SH3PXD2B: variants seen among roughly 807,000 people sequenced by gnomAD.
SH3PXD2B encodes SH3 and PX domain-containing protein 2B.
A neutral mutation model predicts 73.1 loss-of-function variants in SH3PXD2B; 37 were observed. The ratio of observed to expected loss-of-function variants is 0.51; its 90% CI spans 0.39 to 0.67. SH3PXD2B has a LOEUF of 0.67. SH3PXD2B is among the 30% of genes least tolerant of loss of function. The pLI is 0.00. For missense variants in SH3PXD2B, 1,053 were observed against 1,197.8 expected, an observed-to-expected ratio of 0.88 and a Z score of 1.78; for synonymous variants, 457 against 480.5, an observed-to-expected ratio of 0.95 and a Z score of 0.64.
At chr5:172,327,920 AC>A (rs1756476504) in intron 12 of SH3PXD2B, among the ~76,000 whole-genome samples, 1 of 151,826 alleles carries the variant, frequency 6.6e-6, no homozygotes, top group African/African-American at 2.4e-5. Flanking sequence ...ATGCCCAGCT[AC>A]TTTTTGTACT....
Position 172,325,289 on chromosome 5 carries a change from G to A in SH3PXD2B, c.1280C>T (p.Ser427Phe), listed in dbSNP as rs748718280. The A allele has an allele frequency of 1.1e-5, 17 of 1,535,154 alleles. No homozygotes were observed. The South Asian group carries it at 1.8e-4, about 16-fold the overall frequency. The change falls in exon 13 of 13, where the codon TCC becomes TTC. Residue 427 changes from serine (S) to phenylalanine (F), a missense_variant. Ser to Phe is a radical substitution (Grantham distance 155, BLOSUM62 -2). Transcript: ENST00000519643. ...ATGACGTGGTTCTCACATCTCCATG[G>A]AAGCTGCCACGTGCTTCCCAAGTGC...
intron 8 of SH3PXD2B, 127 bp from the exon 9 acceptor site, chr5:172,354,132 G>T: frequency 1.2e-6 from 1 of 860,496 alleles, no homozygotes; most frequent in Non-Finnish European, 1.9e-6. Context: ...ACCCCCCCTG[G>T]CCCTGACCTA....
chr5:172,361,069 C>A (rs960800273), intron 7 of SH3PXD2B, among the ~76,000 whole-genome samples: 3 of 152,152 alleles, frequency 2.0e-5, no homozygotes, highest in African/African-American at 7.2e-5. Flanking sequence ...TACAATGACA[C>A]CATTGGGTTT....
chr5:172,359,285 G>A (rs1757347840), intron 7 of SH3PXD2B, among the ~76,000 whole-genome samples: 4 of 150,352 alleles, frequency 2.7e-5, no homozygotes, highest in African/African-American at 9.8e-5. Flanking sequence ...TACTCGGGAG[G>A]CTGAGTTGGG....
intron 5 of SH3PXD2B, among the ~76,000 whole-genome samples, chr5:172,375,158 G>A (rs1757796195): frequency 6.6e-6 from 1 of 152,190 alleles, no homozygotes; most frequent in South Asian, 2.1e-4. Flanking sequence ...TCAGGAGTTG[G>A]AGACCAGCCT....
intron 7 of SH3PXD2B, 109 bp downstream of exon 7, chr5:172,362,626 G>C: frequency 6.6e-7 from 1 of 1,516,698 alleles, no homozygotes; most frequent in Non-Finnish European, 9.1e-7. Context: ...GGATCTATGG[G>C]AACTGGCCAG....
intron 3 of SH3PXD2B, among the ~76,000 whole-genome samples, chr5:172,399,158 G>T (rs1337169318): frequency 6.6e-6 from 1 of 152,144 alleles, no homozygotes; most frequent in African/African-American, 2.4e-5. Context: ...TCACTTGGCT[G>T]ATTTTATTGG....
At chr5:172,386,558 G>A (rs1286029129) in intron 4 of SH3PXD2B, among the ~76,000 whole-genome samples, 4 of 148,138 alleles carry the variant, frequency 2.7e-5, no homozygotes, top group African/African-American at 1.0e-4. Flanking sequence ...ATTTAAAAAC[G>A]TTTTCTGTTG....
intron 1 of SH3PXD2B, among the ~76,000 whole-genome samples, chr5:172,453,206 A>C (rs1453627521): frequency 6.6e-6 from 1 of 151,750 alleles, no homozygotes; most frequent in Non-Finnish European, 1.5e-5. Flanking sequence ...TCATTGTTCT[A>C]TACTTCTTTG....
chr5:172,333,592 GC>G lies in SH3PXD2B; in HGVS notation c.*4776del, dbSNP rs372071694. ...ATGGTAAAGTATATAGCCTACACAT[GC>G]TACAGCTAGTTGTTCTCACCCCTCC... On this transcript the variant is annotated 3_prime_UTR_variant, in exon 13 of 13. Transcript: ENST00000311601. The G allele has an allele frequency of 7.9e-7, 1 of 1,268,998 alleles. No individual in the cohort carries two copies. The highest frequency in any genetic ancestry group is 1.6e-5 in the African/African-American group (1 of 64,380). The allele number at this position is 1,268,998 out of a possible 1,614,324, so 78.6% of individuals were successfully genotyped here.
chr5:172,447,197 A>G (rs1177476762), intron 1 of SH3PXD2B, among the ~76,000 whole-genome samples: 1 of 152,152 alleles, frequency 6.6e-6, no homozygotes, highest in South Asian at 2.1e-4. Flanking sequence ...AAGCACAGAC[A>G]AGCAGAAAAA....
chr5:172,359,219 T>G (rs898762119), intron 7 of SH3PXD2B, among the ~76,000 whole-genome samples: 8 of 151,702 alleles, frequency 5.3e-5, no homozygotes. Flanking sequence ...AAACCCTGTC[T>G]GTACGAAAAA....
At chr5:172,375,664 T>C (rs1395565243) in intron 5 of SH3PXD2B, among the ~76,000 whole-genome samples, 2 of 152,196 alleles carry the variant, frequency 1.3e-5, no homozygotes, top group African/African-American at 4.8e-5. Flanking sequence ...GGTTCATCTG[T>C]GTTATGGTAT....
intron 9 of SH3PXD2B, among the ~76,000 whole-genome samples, chr5:172,352,413 G>C (rs961298766): frequency 6.6e-6 from 1 of 152,034 alleles, no homozygotes; most frequent in South Asian, 2.1e-4. Context: ...TTTATGTAGA[G>C]ATGGGATCAT....
chr5:172,434,782 G>GTTTTTGTTTTTTTTTT (rs1554087271), intron 1 of SH3PXD2B, among the ~76,000 whole-genome samples: 19 of 66,344 alleles, frequency 2.9e-4, no homozygotes, highest in African/African-American at 8.3e-4. Flanking sequence ...ATGGCCAATG[G>GTTTTTGTTTTTTTTTT]TTTTTTTTTT....
chr5:172,403,639 G>A (rs1758485646), intron 3 of SH3PXD2B, among the ~76,000 whole-genome samples: 1 of 152,254 alleles, frequency 6.6e-6, no homozygotes, highest in Non-Finnish European at 1.5e-5. Flanking sequence ...GTCGGCTCAA[G>A]TTCTTCTCTG....
In SH3PXD2B at chr5:172,421,166, G is replaced by A. The variant is rs752765100; in HGVS notation, c.156+1250C>T. Among the ~76,000 whole-genome samples the A allele has an allele frequency of 3.3e-5, 5 of 152,140 alleles. No homozygotes were observed. The highest frequency in any genetic ancestry group is 2.0e-4 in the Admixed American group (3 of 15,274). On this transcript the variant is annotated intron_variant, in intron 2 of 12. Transcript: ENST00000311601. This position sits in a 1 kb window ranked among gnomAD's most constrained non-coding sequence, Gnocchi z 4.0. ...GGAGAAGACACATGTTCAGAAAGCC[G>A]GGCAAGTTCCCAATGTCTCCCGAGG...
intron 1 of SH3PXD2B, among the ~76,000 whole-genome samples, chr5:172,432,955 C>G (rs1303333646): frequency 2.7e-5 from 4 of 149,716 alleles, no homozygotes; most frequent in Non-Finnish European, 5.9e-5. Flanking sequence ...TTGACTGTAC[C>G]ATATCTAAAT....
At chr5:172,425,955 G>A (rs570141823) in intron 1 of SH3PXD2B, among the ~76,000 whole-genome samples, 2 of 152,250 alleles carry the variant, frequency 1.3e-5, no homozygotes, top group Admixed American at 6.5e-5. Flanking sequence ...GCCCACCACT[G>A]GGGATGCTTA....
Sources: gnomAD v4.1 joint callset for allele counts (sites outside exome capture counted in the v4.1 genomes callset) on GRCh38, gnomAD v4.1.1 for gene constraint, Gnocchi (gnomAD v3.1) non-coding constraint, MANE v1.5 for transcripts, NCBI Gene and HGNC (gene_info 2026-07-23, HGNC 2026-07-21) for gene names.